CTNNA1: variants seen among roughly 807,000 people sequenced by gnomAD.
The protein encoded by CTNNA1 is catenin alpha 1.
A neutral mutation model predicts 98.4 loss-of-function variants in CTNNA1; 37 were observed. The observed-to-expected ratio is 0.38, with a 90% confidence interval of 0.29 to 0.49. CTNNA1 has a LOEUF of 0.49. CTNNA1 is among the 20% of genes least tolerant of loss of function. The probability of loss-of-function intolerance (pLI) is 0.95; values close to 1 mark genes in which losing one functional copy is unlikely to be tolerated. For missense variants in CTNNA1, 761 were observed against 1,147.2 expected (o/e 0.66, Z 4.86); for synonymous variants, 404 against 413.2 (o/e 0.98, Z 0.27).
intron 11 of CTNNA1, 59 bp downstream of exon 11, chr5:138,917,957 G>A: frequency 1.3e-6 from 2 of 1,559,622 alleles, no homozygotes; most frequent in Non-Finnish European, 1.8e-6. Context: ...TTTTGTCTAA[G>A]TTGTATTAAT....
chr5:138,798,968 CTT>C (rs753711737), intron 3 of CTNNA1, among the ~76,000 whole-genome samples: 2 of 151,896 alleles, frequency 1.3e-5, no homozygotes, highest in Non-Finnish European at 2.9e-5. Context: ...TAACAGGTAT[CTT>C]TTTAAATTTT....
At chr5:138,895,711 A>G (rs997233640) in intron 9 of CTNNA1, among the ~76,000 whole-genome samples, 2 of 152,184 alleles carry the variant, frequency 1.3e-5, no homozygotes, top group Non-Finnish European at 2.9e-5. Flanking sequence ...CTTGTACTAA[A>G]TACGTATTTT....
chr5:138,893,410 G>T (rs1248828558), intron 9 of CTNNA1, among the ~76,000 whole-genome samples: 1 of 151,998 alleles, frequency 6.6e-6, no homozygotes, highest in East Asian at 1.9e-4. Flanking sequence ...TGGCTCTTAT[G>T]TATGGCTTTG....
At chr5:138,895,415 T>A (rs1429854839) in intron 9 of CTNNA1, among the ~76,000 whole-genome samples, 1 of 152,018 alleles carries the variant, frequency 6.6e-6, no homozygotes, top group African/African-American at 2.4e-5. Context: ...GGGAATGAAC[T>A]GGGAAAACTT....
intron 1 of CTNNA1, among the ~76,000 whole-genome samples, chr5:138,778,540 A>C (rs1214395763): frequency 6.6e-6 from 1 of 152,068 alleles, no homozygotes; most frequent in Non-Finnish European, 1.5e-5. Flanking sequence ...TGAAGTTACT[A>C]TTTCCCCCAT....
chr5:138,831,775 T>C (rs1761298480), intron 7 of CTNNA1, among the ~76,000 whole-genome samples: 1 of 152,236 alleles, frequency 6.6e-6, no homozygotes, highest in Non-Finnish European at 1.5e-5. Context: ...CTTTGGAACA[T>C]GACAACTCCT....
At chr5:138,768,681 T>C (rs1219087766) in intron 1 of CTNNA1, among the ~76,000 whole-genome samples, 1 of 150,102 alleles carries the variant, frequency 6.7e-6, no homozygotes, top group East Asian at 2.0e-4. Context: ...GTACAGGTGG[T>C]CCTTCTGCCT....
At chr5:138,768,987 A>T (rs1158339449) in intron 1 of CTNNA1, among the ~76,000 whole-genome samples, 1 of 152,132 alleles carries the variant, frequency 6.6e-6, no homozygotes, top group Non-Finnish European at 1.5e-5. Context: ...TGATGAATGA[A>T]TGACTGAATA....
Position 138,930,922 on chromosome 5 carries a change from C to G in CTNNA1, c.2285C>G (p.Thr762Ser), listed in dbSNP as rs1313093200. Reference protein sequence around the residue: ...AGSRMDKLGRTIADHCPDSAC... With the variant: ...AGSRMDKLGRSIADHCPDSAC... ...TCCAGGATGGACAAGCTTGGCCGCA[C>G]CATTGCAGACCATGTAAGTGACAGA... The change falls in exon 16 of 18, where the codon ACC becomes AGC. Residue 762 changes from threonine (T) to serine (S), a missense_variant. Thr to Ser is a moderately conservative substitution (Grantham distance 58). Around this residue, in one of 6 missense-constraint regions of CTNNA1, gnomAD observed 77 missense variants for 198.8 expected, o/e 0.39. Coordinates refer to ENST00000302763, the MANE Select transcript of CTNNA1 (RefSeq NM_001903.5). The G allele has an allele frequency of 6.2e-7, 1 of 1,612,026 alleles. No homozygotes were observed. Among genetic ancestry groups the G allele is most frequent in the Admixed American group, 1.7e-5 (1 of 60,022 alleles).
chr5:138,755,638 C>A (rs1751550489), intron 1 of CTNNA1, among the ~76,000 whole-genome samples: 1 of 152,126 alleles, frequency 6.6e-6, no homozygotes, highest in Admixed American at 6.5e-5. Flanking sequence ...TCTCTTCTGT[C>A]ATCAGCCTTA....
In CTNNA1 at chr5:138,924,296, A is replaced by T. The variant is rs66580119; in HGVS notation, c.1547-214A>T. Among the ~76,000 whole-genome samples the T allele has an allele frequency of 0.099, 9,588 of 97,212 alleles. 583 individuals carry two copies. The highest frequency in any genetic ancestry group is 0.25 in the African/African-American group (6,556 of 26,178). The allele number at this position is 97,212 out of a possible 152,430, so 63.8% of individuals were successfully genotyped here. On this transcript the variant is annotated intron_variant, in intron 11 of 17. Transcript: ENST00000302763. ...TTTTATTTTTTGTTTTTTTTTTTTT[A>T]AAAACCTGGAATGAAGATTGTTATT...
At chr5:138,816,078 C>T (rs145839723) in intron 5 of CTNNA1, among the ~76,000 whole-genome samples, 1 of 152,330 alleles carries the variant, frequency 6.6e-6, no homozygotes, top group African/African-American at 2.4e-5. Flanking sequence ...CCTCTCCGCA[C>T]TACCCTTCCT....
intron 10 of CTNNA1, among the ~76,000 whole-genome samples, chr5:138,916,189 AAAG>A (rs901969209): frequency 4.6e-5 from 7 of 151,908 alleles, no homozygotes; most frequent in African/African-American, 9.7e-5. Flanking sequence ...AAAAAAAAAA[AAAG>A]AAGGGGCTAA....
In CTNNA1 at chr5:138,921,183, C is replaced by G. The variant is rs942480047; in HGVS notation, c.1546+3285C>G. Among the ~76,000 whole-genome samples, 10 of 152,184 alleles carry G rather than the reference C, an allele frequency of 6.6e-5. 1 individual carries two copies. Among genetic ancestry groups the G allele is most frequent in the Non-Finnish European group, 7.3e-5 (5 of 68,032 alleles). On this transcript the variant is annotated intron_variant, in intron 11 of 17. Coordinates refer to ENST00000302763, the MANE Select transcript of CTNNA1 (RefSeq NM_001903.5). ...CCCTTAAGGAGAGTGGTTTGAAATTCATCAAAGTGATAAAGACTCTTTGAA... is the reference window on the plus strand; with the variant it reads ...CCCTTAAGGAGAGTGGTTTGAAATTGATCAAAGTGATAAAGACTCTTTGAA...
intron 10 of CTNNA1, among the ~76,000 whole-genome samples, chr5:138,907,203 G>A (rs747173220): frequency 3.4e-4 from 51 of 152,058 alleles, no homozygotes; most frequent in Non-Finnish European, 6.6e-4. Context: ...TGTATTTCTG[G>A]TAGAGACGGG....
At chr5:138,903,356 T>C (rs1274867009) in intron 9 of CTNNA1, among the ~76,000 whole-genome samples, 1 of 152,210 alleles carries the variant, frequency 6.6e-6, no homozygotes, top group Non-Finnish European at 1.5e-5. Context: ...CCTTGTTTAC[T>C]CTAGCATTTA....
intron 9 of CTNNA1, among the ~76,000 whole-genome samples, chr5:138,901,900 A>AT (rs774603436): frequency 2.0e-5 from 3 of 152,152 alleles, no homozygotes; most frequent in Non-Finnish European, 4.4e-5. Context: ...ATGATGTTGC[A>AT]TTTGCACATT....
At chr5:138,868,744 C>G (rs936456063) in intron 7 of CTNNA1, among the ~76,000 whole-genome samples, 4 of 152,128 alleles carry the variant, frequency 2.6e-5, no homozygotes, top group Non-Finnish European at 5.9e-5. Flanking sequence ...AGTTTTACCT[C>G]TCTCTGAAGA....
At chr5:138,896,494 C>G (rs749986758) in intron 9 of CTNNA1, among the ~76,000 whole-genome samples, 1 of 152,198 alleles carries the variant, frequency 6.6e-6, no homozygotes, top group African/African-American at 2.4e-5. Context: ...TCATACTGCA[C>G]TTCTCAGTGG....
Sources: allele counts gnomAD v4.1 joint callset (sites outside exome capture counted in the v4.1 genomes callset), GRCh38; gene constraint gnomAD v4.1.1; regional missense constraint gnomAD v4.1.1; transcripts MANE v1.5; gene names NCBI Gene and HGNC (gene_info 2026-07-23, HGNC 2026-07-21).